The following NUDT4 variants were observed in gnomAD, a reference collection of about 807,000 sequenced individuals.
NUDT4 encodes nudix hydrolase 4.
In NUDT4, 5 loss-of-function variants were observed where a neutral mutation model predicts 23.1. That is an observed-to-expected ratio of 0.22 (90% CI 0.11 to 0.46). The LOEUF (loss-of-function observed/expected upper bound fraction) is 0.46, where lower values mean the gene tolerates loss of function less well. Among genes scored for constraint, NUDT4 ranks in the 20% least tolerant of loss-of-function variants. The probability of loss-of-function intolerance (pLI) is 0.99; values close to 1 mark genes in which losing one functional copy is unlikely to be tolerated. For synonymous variants in NUDT4, 50 were observed against 79.0 expected, an observed-to-expected ratio of 0.63 and a Z score of 1.95; for missense variants, 96 against 211.6, an observed-to-expected ratio of 0.45 and a Z score of 3.39.
chr12:93,398,419 C>T (rs1224919478), intron 3 of NUDT4, among the ~76,000 whole-genome samples: 1 of 151,660 alleles, frequency 6.6e-6, no homozygotes, highest in Non-Finnish European at 1.5e-5. Context: ...AGGCTGGGTC[C>T]TCATACCTGT....
At chr12:93,398,881 ACT>A (rs1263648462) in intron 4 of NUDT4, 26 bp downstream of exon 4, 7 of 1,341,248 alleles carry the variant, frequency 5.2e-6, no homozygotes, top group Non-Finnish European at 7.5e-6. Flanking sequence ...TTATCTGAAT[ACT>A]CTGTTCTAAC....
intron 1 of NUDT4, chr12:93,378,643 C>A: frequency 8.3e-7 from 1 of 1,200,210 alleles, no homozygotes. Context: ...CCCAGTTTCT[C>A]CATCTGGGCA....
chr12:93,387,882 C>T (rs997490637), intron 1 of NUDT4, among the ~76,000 whole-genome samples: 2 of 152,166 alleles, frequency 1.3e-5, no homozygotes, highest in African/African-American at 2.4e-5. Context: ...GGCAGACATA[C>T]GCCATCATCC....
chr12:93,383,591 G>A (rs1875848684), intron 1 of NUDT4, among the ~76,000 whole-genome samples: 1 of 152,212 alleles, frequency 6.6e-6, no homozygotes, highest in Non-Finnish European at 1.5e-5. Flanking sequence ...CAGCCCTTTG[G>A]GAGGCCAAGG....
chr12:93,395,652 T>G lies in NUDT4; in HGVS notation c.255+119T>G, dbSNP rs374933661. The stretch of plus-strand genomic sequence containing the variant: ...TTTCTCTCAGACTAGCAGTAGGCAG[T>G]CAGTCCAGGATTAGGTAGGGAGGGA... On this transcript the variant is annotated intron_variant, in intron 3 of 4. Transcript: ENST00000415493. 2.9e-4 allele frequency: 232 copies of G among 788,282 alleles called. 2 individuals carry two copies. In the African/African-American group the frequency reaches 3.4e-3, roughly 12 times the overall value. 48.8% of individuals were successfully genotyped at this position (788,282 alleles called of 1,614,324 possible). A position where few individuals can be genotyped will look rare whatever the true frequency, so the allele number is the denominator to read the frequency against.
At chr12:93,384,405 G>T (rs916835963) in intron 1 of NUDT4, among the ~76,000 whole-genome samples, 3 of 152,190 alleles carry the variant, frequency 2.0e-5, no homozygotes, top group East Asian at 1.9e-4. Context: ...CTGACCTCGT[G>T]ATCTGCCCAC....
Position 93,385,941 on chromosome 12 carries a change from TTATATATA to T in NUDT4, c.99+7543_99+7550del, listed in dbSNP as rs371683658. Among the ~76,000 whole-genome samples the T allele has an allele frequency of 4.1e-3, 430 of 104,598 alleles. 10 individuals are homozygous for T. Among genetic ancestry groups the T allele is most frequent in the African/African-American group, 0.011 (306 of 27,500 alleles). The allele number at this position is 104,598 out of a possible 152,430, so 68.6% of individuals were successfully genotyped here. A position where few individuals can be genotyped will look rare whatever the true frequency, so the allele number is the denominator to read the frequency against. ...ATATATATATATATAGTAAATCTTT[TTATATATA>T]TATATATATATATATATATATACAT... is the stretch of plus-strand genomic sequence containing the variant. On this transcript the variant is annotated intron_variant, in intron 1 of 4. Transcript: ENST00000415493.
At chr12:93,385,523 A>G (rs1011886748) in intron 1 of NUDT4, among the ~76,000 whole-genome samples, 2 of 152,202 alleles carry the variant, frequency 1.3e-5, no homozygotes, top group Admixed American at 6.5e-5. Flanking sequence ...TTTCAAACCT[A>G]TGAATGACCA....
chr12:93,407,474 A>AG lies in NUDT4; in HGVS notation c.*8100dup, dbSNP rs1314558083. ...GGGATTACAAAGTCAAAGGCTTACA[A>AG]GGGGGAAGGACTAGCAGGTGTGCTC... On this transcript the variant is annotated 3_prime_UTR_variant, in exon 5 of 5. Transcript: ENST00000415493. 1 of 152,222 alleles carries AG rather than the reference A, an allele frequency of 6.6e-6. No homozygotes were observed. 9.4% of individuals were successfully genotyped at this position (152,222 alleles called of 1,614,324 possible). A position where few individuals can be genotyped will look rare whatever the true frequency, so the allele number is the denominator to read the frequency against.
At chr12:93,385,804 T>G (rs1312896803) in intron 1 of NUDT4, among the ~76,000 whole-genome samples, 2 of 151,232 alleles carry the variant, frequency 1.3e-5, no homozygotes, top group Non-Finnish European at 2.9e-5. Context: ...AAGCAACCAT[T>G]ATGGTTATGT....
chr12:93,393,304 GT>G (rs1197072589), intron 1 of NUDT4, among the ~76,000 whole-genome samples: 3 of 151,308 alleles, frequency 2.0e-5, no homozygotes, highest in Non-Finnish European at 2.9e-5. Context: ...GTTTCACCAT[GT>G]TTTGTCCAGG....
intron 1 of NUDT4, among the ~76,000 whole-genome samples, chr12:93,381,231 G>T (rs1875638005): frequency 6.6e-6 from 1 of 152,194 alleles, no homozygotes; most frequent in Non-Finnish European, 1.5e-5. Flanking sequence ...GAAGCTGGCA[G>T]ATCCTTTTGA....
chr12:93,383,550 GGCCAGGTGCAGTGGCTCAC>G (rs1449921045), intron 1 of NUDT4, among the ~76,000 whole-genome samples: 1 of 152,210 alleles, frequency 6.6e-6, no homozygotes, highest in Non-Finnish European at 1.5e-5. Context: ...TTTCTGAGTA[GGCCAGGTGCAGTGGCTCAC>G]GCCTGTAATC....
rs537234344 is a variant in NUDT4, at chr12:93,381,646, G to A, written c.99+3225G>A. ...TGGATGTGGGTGACTGGGAGAGGAG[G>A]GACCAGGCGTCCCAAATAGAGCAAG... On this transcript the variant is annotated intron_variant, in intron 1 of 4. Coordinates refer to ENST00000415493, the MANE Select transcript of NUDT4 (RefSeq NM_019094.6). 2.0e-5 allele frequency among the ~76,000 whole-genome samples: 3 copies of A among 152,224 alleles called. No individual in the cohort carries two copies. The South Asian group carries it at 6.2e-4, about 32-fold the overall frequency.
At position 93,404,472 on chromosome 12, in the gene NUDT4, G is replaced by C. The variant is rs985689535; in HGVS notation, c.*5093G>C. The stretch of plus-strand genomic sequence containing the variant: ...CCTTTCACCCAACAGTTCCACTCCT[G>C]GGAGTCTAGTCAACAAATGGACAAG... On this transcript the variant is annotated 3_prime_UTR_variant, in exon 5 of 5. Transcript: ENST00000415493. 2 of 152,162 alleles carry C rather than the reference G, an allele frequency of 1.3e-5. No individual in the cohort carries two copies. The highest frequency in any genetic ancestry group is 4.8e-5 in the African/African-American group (2 of 41,436). 9.4% of individuals were successfully genotyped at this position (152,162 alleles called of 1,614,324 possible).
chr12:93,403,260 CAAA>C lies in NUDT4; in HGVS notation c.*3882_*3884del, dbSNP rs1877602314. 1 of 152,168 alleles carries C rather than the reference CAAA, an allele frequency of 6.6e-6. No individual in the cohort carries two copies. Among genetic ancestry groups the C allele is most frequent in the South Asian group, 2.1e-4 (1 of 4,832 alleles). 9.4% of individuals were successfully genotyped at this position (152,168 alleles called of 1,614,324 possible). The stretch of plus-strand genomic sequence containing the variant: ...AGAGCACAAAACAATTTTCTAATCT[CAAA>C]GAGCTTATATTCTAGTGGGGTAGAG... On this transcript the variant is annotated 3_prime_UTR_variant, in exon 5 of 5. Coordinates refer to ENST00000415493, the MANE Select transcript of NUDT4 (RefSeq NM_019094.6).
chr12:93,400,948 T>C lies in NUDT4; in HGVS notation c.*1569T>C, dbSNP rs201145596. ...TATAGACTTCAGCCCTTTGTAAATA[T>C]TGTAACTGGGGAGTATAGAGTAGAA... On this transcript the variant is annotated 3_prime_UTR_variant, in exon 5 of 5. Coordinates refer to ENST00000415493, the MANE Select transcript of NUDT4 (RefSeq NM_019094.6). 0.098 allele frequency: 14,765 copies of C among 150,076 alleles called. 26 individuals are homozygous for C. The highest frequency in any genetic ancestry group is 0.33 in the East Asian group (1,627 of 4,956). The allele number at this position is 150,076 out of a possible 1,614,324, so 9.3% of individuals were successfully genotyped here.
rs1488292467 is a variant in NUDT4, at chr12:93,407,760, G to A, written c.*8381G>A. The A allele has an allele frequency of 6.6e-6, 1 of 152,164 alleles. No individual in the cohort carries two copies. Among genetic ancestry groups the A allele is most frequent in the African/African-American group, 2.4e-5 (1 of 41,430 alleles). The allele number at this position is 152,164 out of a possible 1,614,324, so 9.4% of individuals were successfully genotyped here. A position where few individuals can be genotyped will look rare whatever the true frequency, so the allele number is the denominator to read the frequency against. The stretch of plus-strand genomic sequence containing the variant: ...TGGGCCAGGGAAAACAGGCCCAAAG[G>A]CCAGGTGAAGCTGCAGTTTTCAACT... On this transcript the variant is annotated 3_prime_UTR_variant, in exon 5 of 5. Coordinates refer to ENST00000415493, the MANE Select transcript of NUDT4 (RefSeq NM_019094.6).
At chr12:93,387,658 A>T (rs1426252556) in intron 1 of NUDT4, among the ~76,000 whole-genome samples, 2 of 152,140 alleles carry the variant, frequency 1.3e-5, no homozygotes, top group Non-Finnish European at 2.9e-5. Flanking sequence ...CTCCAATGTG[A>T]TACCAACTTT....
Sources: gnomAD v4.1 joint callset for allele counts (sites outside exome capture counted in the v4.1 genomes callset) on GRCh38, gnomAD v4.1.1 for gene constraint, MANE v1.5 for transcripts, NCBI Gene and HGNC (gene_info 2026-07-23, HGNC 2026-07-21) for gene names.